The following PPM1H variants were observed in gnomAD, a reference collection of about 807,000 sequenced individuals.
PPM1H encodes the protein protein phosphatase 1H.
In PPM1H, 27 loss-of-function variants were observed where a neutral mutation model predicts 54.9. The ratio of observed to expected loss-of-function variants is 0.49; its 90% CI spans 0.36 to 0.68. The LOEUF is 0.68. Among genes scored for constraint, PPM1H ranks in the 30% least tolerant of loss-of-function variants. The pLI is 0.00. For synonymous variants in PPM1H, 305 were observed against 270.8 expected (o/e 1.13, Z -1.24); for missense variants, 596 against 667.8 (o/e 0.89, Z 1.19).
chr12:62,742,493 G>T (rs1002194483), intron 4 of PPM1H, among the ~76,000 whole-genome samples: 2 of 152,156 alleles, frequency 1.3e-5, no homozygotes, highest in Admixed American at 6.5e-5. Flanking sequence ...CAAACGGAAC[G>T]AAATGCATGT....
intron 8 of PPM1H, among the ~76,000 whole-genome samples, chr12:62,681,470 A>C (rs557762357): frequency 1.3e-5 from 2 of 152,274 alleles, no homozygotes; most frequent in African/African-American, 4.8e-5. Context: ...CTCTTGCTGA[A>C]GACCTTATCT....
chr12:62,860,128 CAGA>C (rs1323377232), intron 1 of PPM1H, among the ~76,000 whole-genome samples: 1 of 152,134 alleles, frequency 6.6e-6, no homozygotes, highest in African/African-American at 2.4e-5. Context: ...ACAATCGAGT[CAGA>C]AGGAGAAGCA....
intron 9 of PPM1H, among the ~76,000 whole-genome samples, chr12:62,662,432 G>A (rs149512551): frequency 8.5e-5 from 13 of 152,056 alleles, no homozygotes; most frequent in East Asian, 1.9e-4. Flanking sequence ...CAGACAATTC[G>A]AGGAGGAGAC....
intron 6 of PPM1H, among the ~76,000 whole-genome samples, chr12:62,715,514 T>A (rs2076230132): frequency 6.6e-6 from 1 of 152,040 alleles, no homozygotes; most frequent in Non-Finnish European, 1.5e-5. Context: ...GACAATAACC[T>A]TTTGTCCTCA....
At chr12:62,835,787 T>C (rs948437721) in intron 1 of PPM1H, among the ~76,000 whole-genome samples, 1 of 152,192 alleles carries the variant, frequency 6.6e-6, no homozygotes, top group African/African-American at 2.4e-5. Flanking sequence ...ACTCCCCTAC[T>C]TTACACAGCT....
chr12:62,903,198 G>A (rs1238631166), intron 1 of PPM1H, among the ~76,000 whole-genome samples: 1 of 152,134 alleles, frequency 6.6e-6, no homozygotes, highest in African/African-American at 2.4e-5. Context: ...GAAGTAGCTG[G>A]TGCAGTTCAT....
chr12:62,711,132 T>C (rs947177938), intron 6 of PPM1H, among the ~76,000 whole-genome samples: 1 of 152,172 alleles, frequency 6.6e-6, no homozygotes, highest in Non-Finnish European at 1.5e-5. Flanking sequence ...GCTGGGACTA[T>C]AGGCACGTGC....
At chr12:62,747,071 C>G (rs1354016167) in intron 4 of PPM1H, among the ~76,000 whole-genome samples, 1 of 152,206 alleles carries the variant, frequency 6.6e-6, no homozygotes, top group Non-Finnish European at 1.5e-5. Flanking sequence ...CCCACCTCAG[C>G]CTCCTGAGTA....
At chr12:62,780,022 A>C (rs958824491) in intron 4 of PPM1H, among the ~76,000 whole-genome samples, 4 of 152,214 alleles carry the variant, frequency 2.6e-5, no homozygotes, top group African/African-American at 9.7e-5. Context: ...TGACATTAAT[A>C]GTACTTCCCC....
chr12:62,861,363 C>T (rs1397934508), intron 1 of PPM1H, among the ~76,000 whole-genome samples: 1 of 152,198 alleles, frequency 6.6e-6, no homozygotes, highest in African/African-American at 2.4e-5. Context: ...GTTTCAAGTC[C>T]TGGAAACAGT....
chr12:62,916,402 T>A (rs1871624279), intron 1 of PPM1H, among the ~76,000 whole-genome samples: 1 of 152,222 alleles, frequency 6.6e-6, no homozygotes, highest in Admixed American at 6.5e-5. Context: ...GGTATCTGTC[T>A]CATAATATAG....
chr12:62,903,342 C>T (rs540348228), intron 1 of PPM1H, among the ~76,000 whole-genome samples: 3 of 152,138 alleles, frequency 2.0e-5, no homozygotes, highest in Admixed American at 6.5e-5. Context: ...CAGAGCTTGG[C>T]TAAAGACAAA....
chr12:62,754,733 C>A (rs2076460928), intron 4 of PPM1H, among the ~76,000 whole-genome samples: 2 of 152,176 alleles, frequency 1.3e-5, no homozygotes, highest in Admixed American at 6.6e-5. Context: ...AATGTTAAGC[C>A]ATAGTCTTTA....
chr12:62,813,253 A>C lies in PPM1H; in HGVS notation c.412-11093T>G, dbSNP rs116324713. Among the ~76,000 whole-genome samples the C allele has an allele frequency of 4.2e-3, 641 of 152,224 alleles. 6 individuals carry two copies. Among genetic ancestry groups the C allele is most frequent in the African/African-American group, 0.014 (596 of 41,528 alleles). The stretch of plus-strand genomic sequence containing the variant: ...GGAAACGACGGTTTTGCCTTCCTTT[A>C]CTCACTGCACAGAGCTCTAGAGTTT... On this transcript the variant is annotated intron_variant, in intron 2 of 9. Transcript: ENST00000228705.
At chr12:62,671,376 A>C (rs1169571406) in intron 8 of PPM1H, among the ~76,000 whole-genome samples, 1 of 152,030 alleles carries the variant, frequency 6.6e-6, no homozygotes, top group Non-Finnish European at 1.5e-5. Flanking sequence ...AATCCTTGAG[A>C]TTCTTGCAGT....
intron 6 of PPM1H, among the ~76,000 whole-genome samples, chr12:62,695,212 A>C (rs1308312634): frequency 1.3e-5 from 2 of 152,192 alleles, no homozygotes; most frequent in East Asian, 1.9e-4. Flanking sequence ...AGAAAGTTAC[A>C]TGGTAAGGTG....
intron 6 of PPM1H, among the ~76,000 whole-genome samples, chr12:62,696,098 G>A (rs1026086901): frequency 6.6e-6 from 1 of 151,964 alleles, no homozygotes; most frequent in African/African-American, 2.4e-5. Context: ...ACCAATGACT[G>A]GGTATTACCT....
At chr12:62,901,221 TGG>T (rs1362071941) in intron 1 of PPM1H, among the ~76,000 whole-genome samples, 4 of 152,252 alleles carry the variant, frequency 2.6e-5, no homozygotes, top group Non-Finnish European at 4.4e-5. Flanking sequence ...ATGTTCCCAG[TGG>T]GCAACAGCCA....
intron 6 of PPM1H, among the ~76,000 whole-genome samples, chr12:62,708,195 A>T (rs985695234): frequency 6.6e-6 from 1 of 152,236 alleles, no homozygotes; most frequent in Non-Finnish European, 1.5e-5. Flanking sequence ...AACAGACACA[A>T]AACTTTAGCC....
Sources: gnomAD v4.1 joint callset for allele counts (sites outside exome capture counted in the v4.1 genomes callset) on GRCh38, gnomAD v4.1.1 for gene constraint, MANE v1.5 for transcripts, NCBI Gene and HGNC (gene_info 2026-07-23, HGNC 2026-07-21) for gene names.